The following MDGA2 variants were observed in gnomAD, a reference collection of about 807,000 sequenced individuals.
The protein encoded by MDGA2 is MAM domain-containing glycosylphosphatidylinositol anchor protein 2.
Under a neutral mutation model 117.8 loss-of-function variants are expected in MDGA2, and 40 were observed. That is an observed-to-expected ratio of 0.34 (90% CI 0.26 to 0.44). MDGA2 has a LOEUF of 0.44. MDGA2 is among the 20% of genes least tolerant of loss of function. The probability of loss-of-function intolerance (pLI) is 1.00; values close to 1 mark genes in which losing one functional copy is unlikely to be tolerated. For synonymous variants in MDGA2, 452 were observed against 439.0 expected, an observed-to-expected ratio of 1.03 and a Z score of -0.37; for missense variants, 1,123 against 1,250.6, an observed-to-expected ratio of 0.90 and a Z score of 1.54.
At chr14:47,066,852 G>C (rs1257027219) in intron 6 of MDGA2, among the ~76,000 whole-genome samples, 2 of 152,128 alleles carry the variant, frequency 1.3e-5, no homozygotes, top group Non-Finnish European at 2.9e-5. Context: ...GCCAGGTGTA[G>C]TGGCTCATGC....
chr14:47,278,755 T>A (rs1244695460), intron 2 of MDGA2, among the ~76,000 whole-genome samples: 1 of 152,174 alleles, frequency 6.6e-6, no homozygotes, highest in East Asian at 1.9e-4. Context: ...GAAATGTATA[T>A]AATAAAAAGT....
intron 10 of MDGA2, among the ~76,000 whole-genome samples, chr14:46,891,139 A>C (rs1034646235): frequency 6.6e-6 from 1 of 151,974 alleles, no homozygotes; most frequent in East Asian, 1.9e-4. Flanking sequence ...TATTAAAGGG[A>C]TATGTGAGAA....
At chr14:46,903,812 A>G (rs577397357) in intron 10 of MDGA2, among the ~76,000 whole-genome samples, 7 of 152,226 alleles carry the variant, frequency 4.6e-5, no homozygotes, top group African/African-American at 1.4e-4. Flanking sequence ...TGACTGTGTG[A>G]TTTATTATGA....
At chr14:47,163,584 G>A (rs1030015380) in intron 3 of MDGA2, among the ~76,000 whole-genome samples, 9 of 152,060 alleles carry the variant, frequency 5.9e-5, no homozygotes, top group African/African-American at 1.2e-4. Context: ...TCCTGAGGCC[G>A]CCCCAGCCAC....
chr14:47,502,068 A>G (rs1894410348), intron 1 of MDGA2, among the ~76,000 whole-genome samples: 1 of 152,210 alleles, frequency 6.6e-6, no homozygotes, highest in East Asian at 1.9e-4. Flanking sequence ...ACATAGAATT[A>G]ATTATGCTAT....
intron 3 of MDGA2, among the ~76,000 whole-genome samples, chr14:47,155,885 C>CTTTTTT (rs1883353082): frequency 3.7e-5 from 3 of 80,406 alleles, no homozygotes; most frequent in Non-Finnish European, 4.9e-5. Flanking sequence ...TCTTCTTCTT[C>CTTTTTT]TTCTTTTTTT....
chr14:46,982,255 G>C (rs1212855623), intron 8 of MDGA2, among the ~76,000 whole-genome samples: 1 of 152,024 alleles, frequency 6.6e-6, no homozygotes, highest in Non-Finnish European at 1.5e-5. Flanking sequence ...CTTCCAAACT[G>C]TGTAAAGGAG....
Position 47,335,745 on chromosome 14 carries a change from T to TATATATATATATATACATAC in MDGA2, c.281-34196_281-34195insGTATGTATATATATATATAT. 1.1e-3 allele frequency among the ~76,000 whole-genome samples: 104 copies of TATATATATATATATACATAC among 95,562 alleles called. 5 individuals are homozygous for TATATATATATATATACATAC. In the Middle Eastern group the frequency reaches 0.02, roughly 18 times the overall value. The allele number at this position is 95,562 out of a possible 152,430, so 62.7% of individuals were successfully genotyped here. On this transcript the variant is annotated intron_variant, in intron 1 of 16. Coordinates refer to ENST00000399232, the MANE Select transcript of MDGA2 (RefSeq NM_001113498.3). The stretch of plus-strand genomic sequence containing the variant: ...TGCACACATATATTTTATATATATA[T>TATATATATATATATACATAC]ATACATACATACATACAGGATCACT...
chr14:47,381,146 G>A lies in MDGA2; in HGVS notation c.281-79596C>T, dbSNP rs1476049699. Among the ~76,000 whole-genome samples the A allele has an allele frequency of 3.9e-5, 6 of 152,098 alleles. No individual in the cohort carries two copies. In the East Asian group the frequency reaches 5.8e-4, roughly 15 times the overall value. ...CTCAATAGATGCAGAAAAGGCCTTC[G>A]ACAAAATTCAACAGCCCTTCAAGCT... On this transcript the variant is annotated intron_variant, in intron 1 of 16. Transcript: ENST00000399232.
intron 8 of MDGA2, among the ~76,000 whole-genome samples, chr14:46,966,833 T>C (rs12431746): frequency 0.12 from 17,941 of 151,222 alleles, 2,027 homozygotes; most frequent in African/African-American, 0.27. Flanking sequence ...TTTAAATCCA[T>C]ATAGAGATAT....
intron 1 of MDGA2, among the ~76,000 whole-genome samples, chr14:47,532,313 A>G (rs1895117462): frequency 6.6e-6 from 1 of 152,216 alleles, no homozygotes; most frequent in Admixed American, 6.5e-5. Context: ...TGGTTTTTAT[A>G]ACCTTGACAG....
At chr14:47,143,430 C>T (rs986694154) in intron 4 of MDGA2, among the ~76,000 whole-genome samples, 9 of 152,184 alleles carry the variant, frequency 5.9e-5, no homozygotes, top group East Asian at 3.9e-4. Context: ...AATATTCCCA[C>T]GAATTTCAAT....
intron 1 of MDGA2, among the ~76,000 whole-genome samples, chr14:47,389,699 A>ACC (rs1891849441): frequency 6.6e-6 from 1 of 151,898 alleles, no homozygotes; most frequent in South Asian, 2.1e-4. Context: ...AAGGCAAAAT[A>ACC]CCGCCCTACT....
chr14:46,966,134 CTAGA>C (rs1886021575), intron 8 of MDGA2, among the ~76,000 whole-genome samples: 1 of 152,004 alleles, frequency 6.6e-6, no homozygotes, highest in Admixed American at 6.6e-5. Flanking sequence ...TTACTAAATG[CTAGA>C]TACTGTGTTA....
chr14:47,305,377 C>T (rs1889409812), intron 1 of MDGA2: 1 of 152,138 alleles, frequency 6.6e-6, no homozygotes, highest in Admixed American at 6.6e-5. Flanking sequence ...GACTCATATT[C>T]ATCCAAATTT....
intron 1 of MDGA2, among the ~76,000 whole-genome samples, chr14:47,596,194 T>A (rs947468849): frequency 6.6e-6 from 1 of 152,198 alleles, no homozygotes; most frequent in African/African-American, 2.4e-5. Flanking sequence ...TTTTATTGCA[T>A]GCTAATTATA....
Position 47,025,919 on chromosome 14 carries a change from T to C in MDGA2, c.1819+9092A>G, listed in dbSNP as rs548423795. ...GAAGGGCATGTTGGCAAGCTATTGT[T>C]TCTGTCTTATACCCTTGTGTATGAA... On this transcript the variant is annotated intron_variant, in intron 8 of 16. Transcript: ENST00000399232. Among the ~76,000 whole-genome samples the C allele has an allele frequency of 2.8e-4, 43 of 152,240 alleles. 1 individual carries two copies. Among genetic ancestry groups the C allele is most frequent in the Admixed American group, 2.4e-3 (36 of 15,284 alleles).
chr14:47,200,804 C>A lies in MDGA2; in HGVS notation c.595+17217G>T, dbSNP rs1033715062. The stretch of plus-strand genomic sequence containing the variant: ...GGCAAACTTTCTTGCAGGCTTCAAA[C>A]GCACGACCTTCAGGGCAGCAGGAGC... On this transcript the variant is annotated intron_variant, in intron 3 of 16. Transcript: ENST00000399232. 1.0e-5 allele frequency: 8 copies of A among 803,646 alleles called. No homozygotes were observed. In the Admixed American group the frequency reaches 1.3e-4, roughly 13 times the overall value. The allele number at this position is 803,646 out of a possible 1,614,324, so 49.8% of individuals were successfully genotyped here.
In MDGA2 at chr14:47,509,847, A is replaced by C. The variant is rs548942165; in HGVS notation, c.280+164670T>G. ...TTTCACAGATTCACAGCTTGACAGC[A>C]ATTTGCCTAGGGATGAATCGTACCT... On this transcript the variant is annotated intron_variant, in intron 1 of 16. Transcript: ENST00000399232. 2.0e-5 allele frequency among the ~76,000 whole-genome samples: 3 copies of C among 152,286 alleles called. No homozygotes were observed. In the East Asian group the frequency reaches 5.8e-4, roughly 29 times the overall value.
Sources: allele counts gnomAD v4.1 joint callset (sites outside exome capture counted in the v4.1 genomes callset), GRCh38; gene constraint gnomAD v4.1.1; transcripts MANE v1.5; gene names NCBI Gene and HGNC (gene_info 2026-07-23, HGNC 2026-07-21).